CASKIN2: variants seen among roughly 807,000 people sequenced by gnomAD.
CASKIN2 encodes caskin-2.
Under a neutral mutation model 107.1 loss-of-function variants are expected in CASKIN2, and 41 were observed. That is an observed-to-expected ratio of 0.38 (90% CI 0.30 to 0.50). The LOEUF (loss-of-function observed/expected upper bound fraction) is 0.50, where lower values mean the gene tolerates loss of function less well. Among genes scored for constraint, CASKIN2 ranks in the 20% least tolerant of loss-of-function variants. CASKIN2 has a pLI of 0.92. For missense variants in CASKIN2, 1,546 were observed against 1,657.4 expected (o/e 0.93, Z 1.17); for synonymous variants, 724 against 705.6 (o/e 1.03, Z -0.41).
At position 75,502,725 on chromosome 17, in the gene CASKIN2, C is replaced by T. The variant is rs757494723; in HGVS notation, c.2349G>A (p.Gly783=). The stretch of plus-strand genomic sequence containing the variant: ...GCGGGTCTGGGGGAGTGGCAGGGGG[C>T]CCGGCCAAGTAGGAGAAGGCCCAGG... ...GAPWAFSYLA[G]PPATPPDPPR... The change falls in exon 18 of 20, where the codon GGG becomes GGA. Residue 783 remains glycine (G), a synonymous_variant. Transcript: ENST00000321617. The surrounding 1 kb of genome is among the most constrained non-coding windows in gnomAD (Gnocchi z 4.3). 7.7e-6 allele frequency: 12 copies of T among 1,564,768 alleles called. No individual in the cohort carries two copies. The African/African-American group carries it at 9.5e-5, about 12-fold the overall frequency.
intron 3 of CASKIN2, 176 bp from the exon 4 acceptor site, chr17:75,507,857 G>C: frequency 1.7e-6 from 1 of 598,252 alleles, no homozygotes; most frequent in Non-Finnish European, 3.0e-6. Context: ...AAAGGGCTCA[G>C]TGTCTGCACT....
At chr17:75,514,816 G>C (rs1027742672) in intron 1 of CASKIN2, among the ~76,000 whole-genome samples, 2 of 152,170 alleles carry the variant, frequency 1.3e-5, no homozygotes, top group Non-Finnish European at 2.9e-5. Flanking sequence ...ACCCGCCCTC[G>C]CCCCTTGTGT....
At chr17:75,510,569 A>G (rs540606186) in intron 2 of CASKIN2, among the ~76,000 whole-genome samples, 2 of 151,888 alleles carry the variant, frequency 1.3e-5, no homozygotes, top group Non-Finnish European at 2.9e-5. Context: ...GGGGAGTCCA[A>G]GGAGTCTACA....
At chr17:75,507,314 G>A (rs956052996) in intron 4 of CASKIN2, among the ~76,000 whole-genome samples, 185 bp from the exon 5 acceptor site, 1 of 152,160 alleles carries the variant, frequency 6.6e-6, no homozygotes, top group Non-Finnish European at 1.5e-5. Context: ...GAGTCCTGCT[G>A]TGCCCACTGT....
In CASKIN2 at chr17:75,503,773, G is replaced by A. The variant is rs770373561; in HGVS notation, c.1579-13C>T. 6.2e-7 allele frequency: 1 copy of A among 1,612,330 alleles called. No homozygotes were observed. The highest frequency in any genetic ancestry group is 1.1e-5 in the South Asian group (1 of 91,074). On this transcript the variant is annotated splice_polypyrimidine_tract_variant and intron_variant, in intron 15 of 19. Transcript: ENST00000321617. ...TGGCCGTCAGGTCCTGCCACACAAAGTCTGGCCATCAGGCCCCTCCCCCGC... is the reference window on the plus strand; with the variant it reads ...TGGCCGTCAGGTCCTGCCACACAAAATCTGGCCATCAGGCCCCTCCCCCGC...
intron 18 of CASKIN2, 40 bp from the exon 19 acceptor site, chr17:75,501,730 C>T: frequency 2.0e-6 from 3 of 1,533,618 alleles, no homozygotes; most frequent in Non-Finnish European, 2.6e-6. Flanking sequence ...TTGGCTGGGT[C>T]AGACACAACC....
intron 3 of CASKIN2, 137 bp downstream of exon 3, chr17:75,508,097 G>C: frequency 1.0e-6 from 1 of 966,904 alleles, no homozygotes. Flanking sequence ...CCCACAGCTC[G>C]CAGCAAATAC....
chr17:75,503,280 G>A (rs745408390), intron 17 of CASKIN2, 26 bp from the exon 18 acceptor site: 2 of 1,574,190 alleles, frequency 1.3e-6, no homozygotes, highest in South Asian at 2.3e-5. Flanking sequence ...GAAGTGGCAA[G>A]GTTAGCTGGG....
rs2053203760 is a variant in CASKIN2 at position 75,502,251 on chromosome 17, T to C, written c.2823A>G (p.Pro941=). Residue 941 remains proline (P), a synonymous_variant, in exon 18 of 20, where the codon CCA becomes CCG. Coordinates refer to ENST00000321617, the MANE Select transcript of CASKIN2 (RefSeq NM_020753.5). This position sits in a 1 kb window ranked among gnomAD's most constrained non-coding sequence, Gnocchi z 4.3. The part of the protein sequence containing the change: ...EEEPGPEGTP[P]SRGSSGEGLP... ...GCCCTTCCCCAGAGCTGCCCCGAGA[T>C]GGGGGCGTCCCCTCAGGGCCTGGCT... is the stretch of plus-strand genomic sequence containing the variant. The C allele has an allele frequency of 1.9e-6, 3 of 1,555,168 alleles. No homozygotes were observed. Among genetic ancestry groups the C allele is most frequent in the Admixed American group, 3.6e-5 (2 of 55,494 alleles).
chr17:75,515,081 G>T (rs1049219388), intron 1 of CASKIN2: 2 of 152,418 alleles, frequency 1.3e-5, no homozygotes, highest in African/African-American at 4.8e-5. Flanking sequence ...ACTCCCACGC[G>T]GAGCCCGCGG....
Position 75,504,425 on chromosome 17 carries a change from AG to A in CASKIN2, c.1369del (p.Leu457TrpfsTer5). On this transcript the variant is annotated frameshift_variant, in exon 13 of 20. Transcript: ENST00000321617. LOFTEE classifies it high-confidence loss of function. ...GGTCCCCTGACCCTTCCTACCTGCC[AG>A]GGACGGCGGGTGGAGTCCTGGCAGC... ...QVLPGLHPPS[L>X]ADNLSHRPLA... 1 of 1,606,978 alleles carries A rather than the reference AG, an allele frequency of 6.2e-7. No individual in the cohort carries two copies. Among genetic ancestry groups the A allele is most frequent in the Non-Finnish European group, 8.5e-7 (1 of 1,175,062 alleles).
intron 1 of CASKIN2, among the ~76,000 whole-genome samples, chr17:75,514,721 G>A (rs139295544): frequency 6.6e-6 from 1 of 152,332 alleles, no homozygotes; most frequent in East Asian, 1.9e-4. Flanking sequence ...GACTCTTTGT[G>A]AACGGAGAGC....
At chr17:75,513,646 C>A in intron 2 of CASKIN2, 65 bp downstream of exon 2, 1 of 1,238,288 alleles carries the variant, frequency 8.1e-7, no homozygotes, top group Non-Finnish European at 1.2e-6. Flanking sequence ...CCCACCCCCA[C>A]CCACCAAGCC....
intron 2 of CASKIN2, among the ~76,000 whole-genome samples, chr17:75,508,839 C>T (rs1374740520): frequency 2.0e-5 from 3 of 152,260 alleles, no homozygotes; most frequent in Non-Finnish European, 4.4e-5. Flanking sequence ...GTGTCCTCAA[C>T]TGTAAAATGA....
At chr17:75,508,126 G>A in intron 3 of CASKIN2, 108 bp downstream of exon 3, 2 of 1,250,056 alleles carry the variant, frequency 1.6e-6, no homozygotes, top group Non-Finnish European at 2.3e-6. Context: ...GGCCAAGTCT[G>A]AGAGGGAAAG....
At chr17:75,504,789 C>T in intron 11 of CASKIN2, 23 bp downstream of exon 11, 1 of 1,599,530 alleles carries the variant, frequency 6.3e-7, no homozygotes, top group Non-Finnish European at 8.5e-7. Context: ...CAGTGCCCAG[C>T]ACTGCCCCCT....
rs375526601 is a variant in CASKIN2, at chr17:75,506,318, C to T, written c.713G>A (p.Arg238Gln). The change falls in exon 8 of 20, where the codon CGG (arginine) becomes CAG (glutamine). Residue 238 changes from arginine (R) to glutamine (Q), a missense_variant. By Grantham distance (43) the Arg-to-Gln change is conservative. Around this residue, in one of 6 missense-constraint regions of CASKIN2, gnomAD observed 62 missense variants for 81.1 expected, o/e 0.76. Coordinates refer to ENST00000321617, the MANE Select transcript of CASKIN2 (RefSeq NM_020753.5). This position sits in a 1 kb window ranked among gnomAD's most constrained non-coding sequence, Gnocchi z 4.8. The stretch of plus-strand genomic sequence containing the variant: ...GCCCATACCCACCTCCAGAAGCAGC[C>T]GCACCACCTCGGTCTTGCCATACAG... ...AALYGKTEVV[R>Q]LLLEGGVDVN... 2.7e-5 allele frequency: 43 copies of T among 1,611,354 alleles called. No homozygotes were observed. In the East Asian group the frequency reaches 2.9e-4, roughly 11 times the overall value.
intron 2 of CASKIN2, among the ~76,000 whole-genome samples, chr17:75,511,262 C>T (rs141524386): frequency 0.01 from 1,542 of 151,526 alleles, 14 homozygotes; most frequent in South Asian, 0.018. Context: ...GGCTTCACCA[C>T]GTTGCCCAGG....
chr17:75,506,636 G>C lies in CASKIN2; in HGVS notation c.564C>G (p.Asn188Lys), dbSNP rs778552405. ...EGEAKDPCDP[N>K]YTTPLHLAAK... ...CAGCCAAGTGCAGGGGCGTGGTGTA[G>C]TTGGGGTCACACGGGTCTTTGGCCT... The change falls in exon 7 of 20, where the codon AAC becomes AAG. Residue 188 changes from asparagine (N) to lysine (K), a missense_variant. Coordinates refer to ENST00000321617, the MANE Select transcript of CASKIN2 (RefSeq NM_020753.5). The surrounding 1 kb of genome is among the most constrained non-coding windows in gnomAD (Gnocchi z 4.8). The C allele has an allele frequency of 6.2e-7, 1 of 1,613,518 alleles. No individual in the cohort carries two copies. The highest frequency in any genetic ancestry group is 1.7e-5 in the Admixed American group (1 of 60,026).
Sources: allele counts gnomAD v4.1 joint callset (sites outside exome capture counted in the v4.1 genomes callset), GRCh38; gene constraint gnomAD v4.1.1; regional missense constraint gnomAD v4.1.1; non-coding constraint Gnocchi (gnomAD v3.1); transcripts MANE v1.5; gene names NCBI Gene and HGNC (gene_info 2026-07-23, HGNC 2026-07-21).